Variants in ADGRL3 observed in about 807,000 individuals in gnomAD.
ADGRL3 encodes the protein calcium-independent alpha-latrotoxin receptor 3.
Under a neutral mutation model 153.5 loss-of-function variants are expected in ADGRL3, and 62 were observed. The ratio of observed to expected loss-of-function variants is 0.40; its 90% CI spans 0.33 to 0.50. The LOEUF (loss-of-function observed/expected upper bound fraction) is 0.50, where lower values mean the gene tolerates loss of function less well. Among genes scored for constraint, ADGRL3 ranks in the 20% least tolerant of loss-of-function variants. ADGRL3 has a pLI of 0.47. For missense variants in ADGRL3, 1,641 were observed against 1,859.4 expected (o/e 0.88, Z 2.16); for synonymous variants, 710 against 672.5 (o/e 1.06, Z -0.86).
chr4:61,919,703 A>G (rs1033464462), intron 13 of ADGRL3, among the ~76,000 whole-genome samples: 8 of 152,214 alleles, frequency 5.3e-5, no homozygotes, highest in African/African-American at 1.7e-4. Flanking sequence ...CTAATGATTT[A>G]AAAACTTCCA....
At chr4:61,735,971 A>G (rs1398680902) in intron 8 of ADGRL3, among the ~76,000 whole-genome samples, 1 of 151,916 alleles carries the variant, frequency 6.6e-6, no homozygotes, top group African/African-American at 2.4e-5. Flanking sequence ...AAACTTGCCA[A>G]AAATATTTTT....
intron 22 of ADGRL3, among the ~76,000 whole-genome samples, chr4:62,030,863 C>G (rs1721624189): frequency 6.6e-6 from 1 of 151,550 alleles, no homozygotes; most frequent in South Asian, 2.1e-4. Context: ...TTTCCATCTA[C>G]TATCCCTCAC....
intron 2 of ADGRL3, among the ~76,000 whole-genome samples, chr4:61,479,466 C>G (rs1390169124): frequency 6.6e-6 from 1 of 151,934 alleles, no homozygotes; most frequent in East Asian, 1.9e-4. Context: ...ATAAAAGTAC[C>G]CAATATAGGG....
chr4:61,491,592 A>G (rs1333498470), intron 2 of ADGRL3, among the ~76,000 whole-genome samples: 1 of 151,974 alleles, frequency 6.6e-6, no homozygotes, highest in Non-Finnish European at 1.5e-5. Flanking sequence ...TTTCTTTTTC[A>G]TTATTTTTGT....
At chr4:62,023,287 A>C (rs2099246572) in intron 21 of ADGRL3, among the ~76,000 whole-genome samples, 1 of 152,186 alleles carries the variant, frequency 6.6e-6, no homozygotes, top group Admixed American at 6.5e-5. Context: ...CTCATCATCA[A>C]ATTTTAATAT....
chr4:61,640,283 G>A (rs989409979), intron 5 of ADGRL3, among the ~76,000 whole-genome samples: 10 of 152,078 alleles, frequency 6.6e-5, no homozygotes, highest in African/African-American at 2.4e-4. Flanking sequence ...GTTTGTAACA[G>A]GTGTTTTATG....
At chr4:61,772,400 A>G (rs2097097103) in intron 8 of ADGRL3, among the ~76,000 whole-genome samples, 3 of 152,194 alleles carry the variant, frequency 2.0e-5, no homozygotes, top group Admixed American at 2.0e-4. Flanking sequence ...AAGGAAAACA[A>G]TATTTTCATT....
chr4:61,882,750 C>T (rs1176503309), intron 9 of ADGRL3, among the ~76,000 whole-genome samples: 1 of 152,190 alleles, frequency 6.6e-6, no homozygotes, highest in African/African-American at 2.4e-5. Flanking sequence ...AACTCCCTCA[C>T]TTTGCCTCTT....
chr4:62,024,538 C>T (rs1423271868), intron 21 of ADGRL3, among the ~76,000 whole-genome samples: 1 of 151,924 alleles, frequency 6.6e-6, no homozygotes, highest in African/African-American at 2.4e-5. Context: ...TATTATGTGA[C>T]TTTCATGTTT....
At chr4:61,203,828 T>A (rs1005808521) in intron 1 of ADGRL3, among the ~76,000 whole-genome samples, 33 of 152,210 alleles carry the variant, frequency 2.2e-4, no homozygotes, top group African/African-American at 7.9e-4. Flanking sequence ...TCTTTTATAA[T>A]CACCAAAATA....
intron 4 of ADGRL3, among the ~76,000 whole-genome samples, chr4:61,539,427 T>C (rs1809852): frequency 0.99 from 150,698 of 152,260 alleles, 74,597 homozygotes; most frequent in Middle Eastern, 1. Flanking sequence ...TCATCCCCTA[T>C]GGGTGGCCCT....
chr4:61,748,906 C>T (rs1370635391), intron 8 of ADGRL3, among the ~76,000 whole-genome samples: 1 of 151,042 alleles, frequency 6.6e-6, no homozygotes, highest in Non-Finnish European at 1.5e-5. Flanking sequence ...AAGAAACTAC[C>T]ATCAGAGTGA....
Position 61,713,087 on chromosome 4 carries a change from T to C in ADGRL3, c.584-17535T>C, listed in dbSNP as rs142998261. Reference sequence around the variant, plus strand: ...AATATGTAATGATAAAACTTTATAATTATTTAATTATGTAAATATTAATGC... The same window carrying C: ...AATATGTAATGATAAAACTTTATAACTATTTAATTATGTAAATATTAATGC... On this transcript the variant is annotated intron_variant, in intron 6 of 26. Transcript: ENST00000683033. Among the ~76,000 whole-genome samples, 323 of 152,270 alleles carry C rather than the reference T, an allele frequency of 2.1e-3. 6 individuals carry two copies. Among genetic ancestry groups the C allele is most frequent in the Non-Finnish European group, 7.6e-4 (52 of 67,978 alleles).
At chr4:61,959,684 G>A (rs906759380) in intron 17 of ADGRL3, among the ~76,000 whole-genome samples, 14 of 152,144 alleles carry the variant, frequency 9.2e-5, no homozygotes, top group South Asian at 2.1e-4. Context: ...AGGCTCTACC[G>A]TTGAACATGA....
intron 5 of ADGRL3, among the ~76,000 whole-genome samples, chr4:61,592,118 C>T (rs975446516): frequency 6.7e-6 from 1 of 148,698 alleles, no homozygotes; most frequent in Non-Finnish European, 1.5e-5. Context: ...CCCCATCTTT[C>T]TGAAAAGTTA....
intron 9 of ADGRL3, among the ~76,000 whole-genome samples, chr4:61,820,681 G>A (rs988851055): frequency 1.5e-4 from 23 of 152,242 alleles, no homozygotes; most frequent in African/African-American, 4.8e-4. Flanking sequence ...AGATCTACAT[G>A]CTTTTGAGGC....
chr4:61,236,037 T>C (rs1752717841), intron 1 of ADGRL3, among the ~76,000 whole-genome samples: 1 of 122,866 alleles, frequency 8.1e-6, no homozygotes, highest in African/African-American at 3.2e-5. Flanking sequence ...TGAGATTGAG[T>C]TGTGCTCTGT....
At chr4:62,012,396 A>G (rs1017950672) in intron 21 of ADGRL3, among the ~76,000 whole-genome samples, 1 of 152,176 alleles carries the variant, frequency 6.6e-6, no homozygotes, top group African/African-American at 2.4e-5. Context: ...ACGTTTTACT[A>G]TGTGCTAGGC....
Position 61,909,584 on chromosome 4 carries a change from A to C in ADGRL3, c.1912A>C (p.Asn638His). Residue 638 changes from asparagine (N) to histidine (H), a missense_variant, in exon 12 of 27, where the codon AAC becomes CAC. Around this residue, in one of 5 missense-constraint regions of ADGRL3, gnomAD observed 734 missense variants for 797.0 expected, o/e 0.92. Transcript: ENST00000683033. ...GTTGAAATCTGGTGAAACAGCTGCC[A>C]ACATTGCTAGAGAGCTGGCTGAACA... The part of the protein sequence containing the change: ...QKLKSGETAA[N>H]IARELAEQTR... 1 of 1,613,164 alleles carries C rather than the reference A, an allele frequency of 6.2e-7. No individual in the cohort carries two copies. Among genetic ancestry groups the C allele is most frequent in the Non-Finnish European group, 8.5e-7 (1 of 1,179,506 alleles).
Sources: gnomAD v4.1 joint callset for allele counts (sites outside exome capture counted in the v4.1 genomes callset) on GRCh38, gnomAD v4.1.1 for gene constraint, gnomAD v4.1.1 regional missense constraint, MANE v1.5 for transcripts, NCBI Gene and HGNC (gene_info 2026-07-23, HGNC 2026-07-21) for gene names.